The following SLC4A5 variants were observed in gnomAD, a reference collection of about 807,000 sequenced individuals.
SLC4A5 encodes the protein electrogenic sodium bicarbonate cotransporter 4.
Under a neutral mutation model 120.4 loss-of-function variants are expected in SLC4A5, and 96 were observed. The ratio of observed to expected loss-of-function variants is 0.80; its 90% CI spans 0.68 to 0.94. SLC4A5 has a LOEUF of 0.94. Ranked by LOEUF, SLC4A5 falls within the 40% of genes least tolerant of loss-of-function variation. The pLI is 0.00. For missense variants in SLC4A5, 1,259 were observed against 1,459.5 expected (o/e 0.86, Z 2.24); for synonymous variants, 550 against 571.1 (o/e 0.96, Z 0.53).
rs372994026 is a variant in SLC4A5 at position 74,257,855 on chromosome 2, T to C, written c.867+1733A>G. Among the ~76,000 whole-genome samples the C allele has an allele frequency of 5.3e-4, 80 of 152,284 alleles. No homozygotes were observed. The East Asian group carries it at 8.1e-3, about 15-fold the overall frequency. On this transcript the variant is annotated intron_variant, in intron 12 of 30. Coordinates refer to ENST00000394019, the Ensembl canonical transcript of SLC4A5. The stretch of plus-strand genomic sequence containing the variant: ...TCCCAAACTGCTGGAATTACAGGTG[T>C]GTGCCACCACACCTGGCCATCCAAC...
intron 21 of SLC4A5, 25 bp downstream of exon 21, chr2:74,239,310 C>T (rs1157100216): frequency 3.1e-6 from 5 of 1,610,304 alleles, no homozygotes; most frequent in Non-Finnish European, 4.2e-6. Flanking sequence ...CTGCAGGTCC[C>T]CTCCTAACTG....
At chr2:74,245,248 G>A (rs1414588847) in intron 19 of SLC4A5, among the ~76,000 whole-genome samples, 1 of 152,180 alleles carries the variant, frequency 6.6e-6, no homozygotes, top group Non-Finnish European at 1.5e-5. Context: ...GAACCCAGGA[G>A]GCAGAGGTTG....
At chr2:74,313,016 C>CCT (rs934341241) in intron 6 of SLC4A5, among the ~76,000 whole-genome samples, 10 of 124,686 alleles carry the variant, frequency 8.0e-5, no homozygotes, top group African/African-American at 2.6e-4. Flanking sequence ...GGCACTTGTC[C>CCT]TTTTTTTTTT....
At chr2:74,314,982 G>T in exon 6 of SLC4A5, 1 of 1,613,968 alleles carries the variant, frequency 6.2e-7, no homozygotes, top group Non-Finnish European at 8.5e-7. Context: ...GGTTAGTGTG[G>T]TCCAGCTTTC....
intron 2 of SLC4A5, chr2:74,339,845 C>T (rs896109561): frequency 2.0e-5 from 3 of 152,174 alleles, no homozygotes; most frequent in Admixed American, 6.5e-5. Flanking sequence ...TACATACAAT[C>T]GTGATTCAGC....
chr2:74,303,806 A>G (rs1672548568), intron 7 of SLC4A5, among the ~76,000 whole-genome samples: 1 of 152,004 alleles, frequency 6.6e-6, no homozygotes, highest in African/African-American at 2.4e-5. Context: ...ACTTCAATTT[A>G]CTGAGCACAA....
rs529046772 is a variant in SLC4A5, at chr2:74,225,887, C to T, written c.3091-892G>A. Among the ~76,000 whole-genome samples, 26 of 152,298 alleles carry T rather than the reference C, an allele frequency of 1.7e-4. 1 individual carries two copies. The East Asian group carries it at 4.1e-3, about 24-fold the overall frequency. On this transcript the variant is annotated intron_variant, in intron 27 of 30. Transcript: ENST00000394019. ...TGTGTCCAGGGTCACTCTGCTCATG[C>T]TCTCTGAGCCTCATTTTCTCATCTG...
At chr2:74,297,773 C>G (rs1558901329) in intron 7 of SLC4A5, among the ~76,000 whole-genome samples, 1 of 152,156 alleles carries the variant, frequency 6.6e-6, no homozygotes, top group Non-Finnish European at 1.5e-5. Flanking sequence ...TAAGTATTGA[C>G]TTCCTAAATT....
At chr2:74,228,424 T>C (rs1694924466) in intron 25 of SLC4A5, among the ~76,000 whole-genome samples, 1 of 152,136 alleles carries the variant, frequency 6.6e-6, no homozygotes, top group Non-Finnish European at 1.5e-5. Context: ...GGTCAGGAGT[T>C]TGAGACCAGC....
intron 21 of SLC4A5, among the ~76,000 whole-genome samples, chr2:74,235,904 A>G (rs1670252876): frequency 1.3e-5 from 2 of 152,212 alleles, no homozygotes; most frequent in South Asian, 4.1e-4. Flanking sequence ...GTCTCAGGAC[A>G]GATGGTCCCC....
At chr2:74,270,679 AAAC>A (rs869297061) in intron 8 of SLC4A5, among the ~76,000 whole-genome samples, 5 of 152,248 alleles carry the variant, frequency 3.3e-5, no homozygotes, top group African/African-American at 1.2e-4. Context: ...TCTCAAAACA[AAAC>A]AAAACAAAAC....
chr2:74,232,967 G>A (rs1326392154), intron 23 of SLC4A5, among the ~76,000 whole-genome samples: 1 of 152,172 alleles, frequency 6.6e-6, no homozygotes, highest in Non-Finnish European at 1.5e-5. Flanking sequence ...GCTGGGACAG[G>A]CCACACCTAA....
At chr2:74,317,370 T>G (rs1393465295) in intron 5 of SLC4A5, among the ~76,000 whole-genome samples, 1 of 152,182 alleles carries the variant, frequency 6.6e-6, no homozygotes, top group African/African-American at 2.4e-5. Flanking sequence ...TTTAAATGTT[T>G]TATCTGAACC....
intron 5 of SLC4A5, among the ~76,000 whole-genome samples, chr2:74,323,554 A>G (rs1480790070): frequency 3.3e-5 from 5 of 152,194 alleles, no homozygotes. Context: ...AGAGCTAGAA[A>G]ATGAGGCTTT....
At chr2:74,259,715 C>G in intron 11 of SLC4A5, 72 bp from the exon 12 acceptor site, 2 of 1,407,164 alleles carry the variant, frequency 1.4e-6, no homozygotes, top group Non-Finnish European at 2.0e-6. Context: ...ATGGGCCCTA[C>G]TCATGTACCT....
chr2:74,311,119 T>C (rs1210559775), intron 6 of SLC4A5, among the ~76,000 whole-genome samples: 1 of 152,172 alleles, frequency 6.6e-6, no homozygotes, highest in Non-Finnish European at 1.5e-5. Flanking sequence ...TATTCCTTTA[T>C]TATCCTTTTA....
intron 5 of SLC4A5, among the ~76,000 whole-genome samples, chr2:74,322,181 G>T (rs907475098): frequency 1.4e-5 from 2 of 147,434 alleles, no homozygotes; most frequent in Admixed American, 1.3e-4. Flanking sequence ...TGGATTTCCT[G>T]TTATCTGAAA....
At chr2:74,252,409 A>G in intron 15 of SLC4A5, 21 bp from the exon 16 acceptor site, 6 of 1,603,952 alleles carry the variant, frequency 3.7e-6, no homozygotes, top group Non-Finnish European at 5.1e-6. Flanking sequence ...AGGGGGATGA[A>G]GGAGAGTGGG....
chr2:74,247,306 C>T (rs1006157716), exon 19 of SLC4A5: 1 of 1,610,792 alleles, frequency 6.2e-7, no homozygotes, highest in Non-Finnish European at 8.5e-7. Flanking sequence ...AGGCCATTGC[C>T]TCTGGAAGGC....
Sources: allele counts gnomAD v4.1 joint callset (sites outside exome capture counted in the v4.1 genomes callset), GRCh38; gene constraint gnomAD v4.1.1; transcripts MANE v1.5; gene names NCBI Gene and HGNC (gene_info 2026-07-23, HGNC 2026-07-21).